Variants in FAM135B observed in about 807,000 individuals in gnomAD.
FAM135B encodes the protein protein FAM135B.
FAM135B carries 43 observed loss-of-function variants against 127.7 expected under a neutral mutation model. That is an observed-to-expected ratio of 0.34 (90% CI 0.26 to 0.43). The LOEUF is 0.43. Ranked by LOEUF, FAM135B falls within the 20% of genes least tolerant of loss-of-function variation. FAM135B has a pLI of 1.00. For synonymous variants in FAM135B, 670 were observed against 665.1 expected, an observed-to-expected ratio of 1.01 and a Z score of -0.11; for missense variants, 1,558 against 1,725.6, an observed-to-expected ratio of 0.90 and a Z score of 1.72.
At chr8:138,404,817 A>C (rs1423927136) in intron 1 of FAM135B, among the ~76,000 whole-genome samples, 1 of 152,154 alleles carries the variant, frequency 6.6e-6, no homozygotes, top group East Asian at 1.9e-4. Context: ...TTCTACTTCT[A>C]ACACATCTAC....
At chr8:138,229,212 G>A in intron 7 of FAM135B, among the ~76,000 whole-genome samples, 1 of 152,124 alleles carries the variant, frequency 6.6e-6, no homozygotes, top group East Asian at 1.9e-4. Context: ...CATTGCCCCT[G>A]CTGTGTCCTA....
Position 138,213,312 on chromosome 8 carries a change from C to T in FAM135B, c.670-15643G>A, listed in dbSNP as rs535256192. Among the ~76,000 whole-genome samples the T allele has an allele frequency of 4.7e-5, 7 of 148,542 alleles. No homozygotes were observed. In the East Asian group the frequency reaches 8.0e-4, roughly 17 times the overall value. On this transcript the variant is annotated intron_variant, in intron 7 of 19. Coordinates refer to ENST00000395297, the MANE Select transcript of FAM135B (RefSeq NM_015912.4). ...ACGATCACTACGTAAATAGTAGCCA[C>T]GGTGAATTAAGTAATAAGTATTATT...
In FAM135B at chr8:138,189,142, C is replaced by T. The variant is rs574918394; in HGVS notation, c.873+6116G>A. Reference sequence around the variant, plus strand: ...AAGAGGAGAAGCAGCTGGATGCCTCCCCAGAGACTATGGTTGCACGCTGGA... The same window carrying T: ...AAGAGGAGAAGCAGCTGGATGCCTCTCCAGAGACTATGGTTGCACGCTGGA... On this transcript the variant is annotated intron_variant, in intron 9 of 19. Transcript: ENST00000395297. 1.4e-4 allele frequency among the ~76,000 whole-genome samples: 21 copies of T among 152,270 alleles called. No individual in the cohort carries two copies. The South Asian group carries it at 4.4e-3, about 32-fold the overall frequency.
intron 9 of FAM135B, among the ~76,000 whole-genome samples, chr8:138,179,063 T>G (rs1409785199): frequency 6.6e-6 from 1 of 152,232 alleles, no homozygotes; most frequent in Admixed American, 6.5e-5. Context: ...ATCTTGCACC[T>G]TGAATGTTTT....
intron 1 of FAM135B, among the ~76,000 whole-genome samples, chr8:138,406,332 A>G (rs2131383398): frequency 6.6e-6 from 1 of 152,290 alleles, no homozygotes; most frequent in Admixed American, 6.5e-5. Flanking sequence ...CCAGAGGTAC[A>G]GGGAGGAACT....
At chr8:138,263,874 C>A (rs564379796) in intron 4 of FAM135B, among the ~76,000 whole-genome samples, 2 of 152,158 alleles carry the variant, frequency 1.3e-5, no homozygotes, top group Non-Finnish European at 2.9e-5. Flanking sequence ...ACTCAGGATG[C>A]AAAGAGAGAT....
At chr8:138,145,926 G>A (rs2280849) in intron 15 of FAM135B, 33 bp downstream of exon 15, 3 of 1,149,288 alleles carry the variant, frequency 2.6e-6, no homozygotes, top group African/African-American at 1.5e-5. Context: ...TGCATCCAGG[G>A]TTCTTCCAGT....
At chr8:138,162,888 T>G (rs1166784481) in intron 12 of FAM135B, among the ~76,000 whole-genome samples, 3 of 152,196 alleles carry the variant, frequency 2.0e-5, no homozygotes, top group Non-Finnish European at 4.4e-5. Context: ...ATCTGGTCTT[T>G]ATACCACAGG....
At chr8:138,268,949 G>T (rs531891501) in intron 3 of FAM135B, among the ~76,000 whole-genome samples, 1 of 152,060 alleles carries the variant, frequency 6.6e-6, no homozygotes, top group Non-Finnish European at 1.5e-5. Context: ...GGGGAAAAAA[G>T]AGATGAAAAG....
At position 138,131,602 on chromosome 8, in the gene FAM135B, T is replaced by C. The variant is rs1041930996; in HGVS notation, c.*991A>G. ...ACCCTTCTTAGAGCTCCCCTGAGGT[T>C]TTAATCCAGCACTCCTCCATTTAGA... On this transcript the variant is annotated 3_prime_UTR_variant, in exon 20 of 20. Transcript: ENST00000395297. 13 of 152,632 alleles carry C rather than the reference T, an allele frequency of 8.5e-5. No individual in the cohort carries two copies. Among genetic ancestry groups the C allele is most frequent in the Admixed American group, 7.2e-4 (11 of 15,278 alleles). 9.5% of individuals were successfully genotyped at this position (152,632 alleles called of 1,614,324 possible). A position where few individuals can be genotyped will look rare whatever the true frequency, so the allele number is the denominator to read the frequency against.
rs560398494 is a variant in FAM135B at position 138,321,229 on chromosome 8, C to A, written c.78-10309G>T. ...TGGCAAGCATGGGCATGGCATGATG[C>A]TCAACCCCATATTTCATTAAAGATA... On this transcript the variant is annotated intron_variant, in intron 2 of 19. Transcript: ENST00000395297. 3.3e-5 allele frequency among the ~76,000 whole-genome samples: 5 copies of A among 152,202 alleles called. No homozygotes were observed. The East Asian group carries it at 9.7e-4, about 29-fold the overall frequency.
At chr8:138,292,638 T>C (rs1825197548) in intron 3 of FAM135B, among the ~76,000 whole-genome samples, 1 of 152,074 alleles carries the variant, frequency 6.6e-6, no homozygotes, top group Non-Finnish European at 1.5e-5. Flanking sequence ...AAATTCATAT[T>C]GAGTTCATAT....
chr8:138,142,838 A>G (rs1817325414), intron 16 of FAM135B, 174 bp downstream of exon 16: 1 of 526,344 alleles, frequency 1.9e-6, no homozygotes, highest in South Asian at 2.7e-5. Context: ...GCAGAGATGA[A>G]TGTGTACGCC....
In FAM135B at chr8:138,130,104, G is replaced by C. The variant is rs1424950166; in HGVS notation, c.*2489C>G. ...TAAAAACAAAAACAAAAATTACGCA[G>C]AGAATGAAGACATACAAGACCATTA... On this transcript the variant is annotated 3_prime_UTR_variant, in exon 20 of 20. Coordinates refer to ENST00000395297, the MANE Select transcript of FAM135B (RefSeq NM_015912.4). 6.6e-6 allele frequency: 1 copy of C among 151,908 alleles called. No individual in the cohort carries two copies. The highest frequency in any genetic ancestry group is 6.6e-5 in the Admixed American group (1 of 15,242). 9.4% of individuals were successfully genotyped at this position (151,908 alleles called of 1,614,324 possible).
chr8:138,333,935 G>A (rs10105117), intron 2 of FAM135B, among the ~76,000 whole-genome samples: 76,051 of 151,816 alleles, frequency 0.5, 20,546 homozygotes, highest in Non-Finnish European at 0.62. Flanking sequence ...TTGAGGGGAG[G>A]GGGGAACGGA....
chr8:138,378,785 T>C (rs1831653011), intron 1 of FAM135B, among the ~76,000 whole-genome samples: 2 of 152,190 alleles, frequency 1.3e-5, no homozygotes, highest in African/African-American at 4.8e-5. Flanking sequence ...TCCCACACAA[T>C]GCCAAGTTCC....
chr8:138,219,929 T>C (rs1818891842), intron 7 of FAM135B, among the ~76,000 whole-genome samples: 1 of 152,184 alleles, frequency 6.6e-6, no homozygotes, highest in South Asian at 2.1e-4. Context: ...CCTCCTGCCC[T>C]GGATTATCTC....
chr8:138,172,730 A>C (rs372037214), intron 11 of FAM135B, among the ~76,000 whole-genome samples: 1 of 152,240 alleles, frequency 6.6e-6, no homozygotes. Context: ...GAAGGGAAGG[A>C]GAAAGGGAGC....
intron 3 of FAM135B, among the ~76,000 whole-genome samples, chr8:138,267,662 G>C (rs1006232872): frequency 6.6e-6 from 1 of 151,602 alleles, no homozygotes; most frequent in Admixed American, 6.6e-5. Context: ...CTTTGAAACA[G>C]GGACACAGGA....
Sources: gnomAD v4.1 joint callset for allele counts (sites outside exome capture counted in the v4.1 genomes callset) on GRCh38, gnomAD v4.1.1 for gene constraint, MANE v1.5 for transcripts, NCBI Gene and HGNC (gene_info 2026-07-23, HGNC 2026-07-21) for gene names.